TRAPPC9: variants seen among roughly 807,000 people sequenced by gnomAD.
TRAPPC9 encodes trafficking protein particle complex subunit 9, also known as IKK2 binding protein.
In TRAPPC9, 83 loss-of-function variants were observed where a neutral mutation model predicts 124.0. The ratio of observed to expected loss-of-function variants is 0.67; its 90% CI spans 0.56 to 0.80. The LOEUF (loss-of-function observed/expected upper bound fraction) is 0.80, where lower values mean the gene tolerates loss of function less well. TRAPPC9 is among the 30% of genes least tolerant of loss of function. TRAPPC9 has a pLI of 0.00. For missense variants in TRAPPC9, 1,302 were observed against 1,508.3 expected (o/e 0.86, Z 2.27); for synonymous variants, 638 against 617.5 (o/e 1.03, Z -0.49).
At chr8:139,927,436 A>C (rs1035644072) in intron 19 of TRAPPC9, among the ~76,000 whole-genome samples, 4 of 152,048 alleles carry the variant, frequency 2.6e-5, no homozygotes, top group African/African-American at 9.7e-5. Flanking sequence ...AGTAGAGATG[A>C]GTTCTCATTA....
At chr8:140,122,370 C>T (rs796387676) in intron 17 of TRAPPC9, among the ~76,000 whole-genome samples, 4 of 152,302 alleles carry the variant, frequency 2.6e-5, no homozygotes, top group African/African-American at 9.6e-5. Flanking sequence ...TGCCTGGACT[C>T]CTGACCCATA....
At chr8:140,440,972 C>CTTTT (rs60379205) in intron 2 of TRAPPC9, among the ~76,000 whole-genome samples, 102 of 80,254 alleles carry the variant, frequency 1.3e-3, no homozygotes, top group Non-Finnish European at 1.7e-3. Flanking sequence ...AACACTGTTA[C>CTTTT]TTTTTTTTTT....
chr8:140,094,061 G>C (rs1844758882), intron 17 of TRAPPC9, among the ~76,000 whole-genome samples: 2 of 152,128 alleles, frequency 1.3e-5, no homozygotes, highest in Non-Finnish European at 2.9e-5. Flanking sequence ...AGCACACCTA[G>C]ACCATCTCCA....
chr8:140,362,199 A>G (rs1343604587), intron 8 of TRAPPC9, among the ~76,000 whole-genome samples: 1 of 152,188 alleles, frequency 6.6e-6, no homozygotes, highest in Non-Finnish European at 1.5e-5. Flanking sequence ...AGTGTCCTTA[A>G]TGCCTGGCAG....
intron 20 of TRAPPC9, 93 bp from the exon 21 acceptor site, chr8:139,886,062 C>T: frequency 8.5e-7 from 1 of 1,179,630 alleles, no homozygotes; most frequent in Admixed American, 2.0e-5. Flanking sequence ...AGATGGGAAA[C>T]CTCCTACAGC....
chr8:140,223,255 G>A (rs773675944), intron 16 of TRAPPC9, among the ~76,000 whole-genome samples: 6 of 152,148 alleles, frequency 3.9e-5, no homozygotes, highest in Non-Finnish European at 7.3e-5. Flanking sequence ...CCACTTGTAA[G>A]ACAGAACATG....
At chr8:140,099,958 C>T (rs2060543800) in intron 17 of TRAPPC9, 1 of 151,722 alleles carries the variant, frequency 6.6e-6, no homozygotes, top group Admixed American at 6.6e-5. Context: ...CCAGCTAGGT[C>T]TCAGCGCGCA....
intron 21 of TRAPPC9, among the ~76,000 whole-genome samples, chr8:139,781,786 G>T (rs191072235): frequency 6.6e-6 from 1 of 152,228 alleles, no homozygotes; most frequent in Admixed American, 6.5e-5. Flanking sequence ...ACTCGATTTT[G>T]CTGTGAACCT....
At chr8:140,124,390 C>A (rs2061044096) in intron 17 of TRAPPC9, among the ~76,000 whole-genome samples, 1 of 152,192 alleles carries the variant, frequency 6.6e-6, no homozygotes. Flanking sequence ...GCCCTACCTC[C>A]CTCTTGGAAG....
At chr8:140,314,428 TCAAA>T (rs1473786605) in intron 9 of TRAPPC9, among the ~76,000 whole-genome samples, 1 of 152,254 alleles carries the variant, frequency 6.6e-6, no homozygotes, top group African/African-American at 2.4e-5. Flanking sequence ...ATCCACTGCA[TCAAA>T]CATTTATCGG....
chr8:140,128,381 A>G (rs2061136736), intron 17 of TRAPPC9, among the ~76,000 whole-genome samples: 1 of 152,260 alleles, frequency 6.6e-6, no homozygotes. Context: ...GCTCACAGAG[A>G]GACCACAGTG....
At chr8:140,023,825 C>T in intron 18 of TRAPPC9, 112 bp downstream of exon 18, 1 of 1,535,764 alleles carries the variant, frequency 6.5e-7, no homozygotes, top group Non-Finnish European at 9.0e-7. Flanking sequence ...AACTTGGCCC[C>T]ATGGCACGGA....
rs966132967 is a variant in TRAPPC9 at position 139,742,683 on chromosome 8, A to G, written c.3056-10481T>C. On this transcript the variant is annotated intron_variant, in intron 21 of 22. Coordinates refer to ENST00000438773, the MANE Select transcript of TRAPPC9 (RefSeq NM_001160372.4). The surrounding 1 kb of genome is among the most constrained non-coding windows in gnomAD (Gnocchi z 4.7). ...GCCAGATGGAGACCAGACCTTCAGGACATGAGGACCAGCAGGTCAGATGGG... is the reference window on the plus strand; with the variant it reads ...GCCAGATGGAGACCAGACCTTCAGGGCATGAGGACCAGCAGGTCAGATGGG... Among the ~76,000 whole-genome samples, 1 of 152,186 alleles carries G rather than the reference A, an allele frequency of 6.6e-6. No homozygotes were observed. The highest frequency in any genetic ancestry group is 2.4e-5 in the African/African-American group (1 of 41,436).
chr8:139,913,700 C>T (rs1831911483), intron 19 of TRAPPC9, among the ~76,000 whole-genome samples: 3 of 152,188 alleles, frequency 2.0e-5, no homozygotes, highest in Admixed American at 2.0e-4. Context: ...AGGCCGCGTT[C>T]CTTTTCCTGC....
intron 16 of TRAPPC9, among the ~76,000 whole-genome samples, chr8:140,223,917 A>G (rs1210686647): frequency 6.6e-6 from 1 of 152,244 alleles, no homozygotes; most frequent in Admixed American, 6.5e-5. Flanking sequence ...GTTAAAAAAT[A>G]GTCTACTTGA....
chr8:140,284,345 T>C (rs773485746), intron 13 of TRAPPC9, among the ~76,000 whole-genome samples: 1 of 152,238 alleles, frequency 6.6e-6, no homozygotes, highest in Non-Finnish European at 1.5e-5. Flanking sequence ...CTCATTTGCT[T>C]TTCAGATTTA....
At chr8:139,981,243 G>A (rs1451118368) in intron 19 of TRAPPC9, among the ~76,000 whole-genome samples, 1 of 152,194 alleles carries the variant, frequency 6.6e-6, no homozygotes, top group African/African-American at 2.4e-5. Flanking sequence ...TGGCCAGGGA[G>A]TCCAGAGCCC....
At position 140,163,710 on chromosome 8, in the gene TRAPPC9, C is replaced by G. The variant is rs368045479; in HGVS notation, c.2556+57749G>C. Among the ~76,000 whole-genome samples the G allele has an allele frequency of 1.9e-4, 29 of 152,130 alleles. 2 individuals carry two copies. The East Asian group carries it at 1.9e-3, about 10-fold the overall frequency. On this transcript the variant is annotated intron_variant, in intron 17 of 22. Coordinates refer to ENST00000438773, the MANE Select transcript of TRAPPC9 (RefSeq NM_001160372.4). ...CAGATTTCCCAATAGTTATTGTAGC[C>G]TTTGTTTCAATAAATTGCCTTTCAA...
chr8:139,770,610 G>C (rs569231588), intron 21 of TRAPPC9, among the ~76,000 whole-genome samples: 1 of 152,222 alleles, frequency 6.6e-6, no homozygotes, highest in African/African-American at 2.4e-5. Context: ...CTCAGCCAGC[G>C]TCTGGTGCTC....
Sources: allele counts gnomAD v4.1 joint callset (sites outside exome capture counted in the v4.1 genomes callset), GRCh38; gene constraint gnomAD v4.1.1; non-coding constraint Gnocchi (gnomAD v3.1); transcripts MANE v1.5; gene names NCBI Gene and HGNC (gene_info 2026-07-23, HGNC 2026-07-21).